The following BAZ1A variants were observed in gnomAD, a reference collection of about 807,000 sequenced individuals.
The protein encoded by BAZ1A is bromodomain adjacent to zinc finger domain protein 1A.
Under a neutral mutation model 185.2 loss-of-function variants are expected in BAZ1A, and 50 were observed. That is an observed-to-expected ratio of 0.27 (90% confidence interval 0.22 to 0.34). BAZ1A has a LOEUF of 0.34. BAZ1A is among the 10% of genes least tolerant of loss of function. BAZ1A has a pLI of 1.00. For synonymous variants in BAZ1A, 571 were observed against 615.6 expected (o/e 0.93, Z 1.07); for missense variants, 1,356 against 1,839.9 (o/e 0.74, Z 4.81).
intron 23 of BAZ1A, 121 bp downstream of exon 23, chr14:34,764,586 C>T: frequency 3.0e-6 from 4 of 1,338,792 alleles, no homozygotes; most frequent in Non-Finnish European, 4.0e-6. Flanking sequence ...GCTACCGTGT[C>T]CAGCCTATAT....
intron 4 of BAZ1A, 71 bp downstream of exon 4, chr14:34,825,942 A>C: frequency 7.0e-7 from 1 of 1,420,200 alleles, no homozygotes; most frequent in African/African-American, 1.5e-5. Context: ...TATCTCAAAA[A>C]AAAAGTTATT....
Position 34,874,284 on chromosome 14 carries a change from C to T in BAZ1A, c.113+208G>A, listed in dbSNP as rs2043004215. 1.8e-6 allele frequency: 1 copy of T among 541,832 alleles called. No individual in the cohort carries two copies. The highest frequency in any genetic ancestry group is 2.1e-5 in the South Asian group (1 of 47,902). The allele number at this position is 541,832 out of a possible 1,614,324, so 33.6% of individuals were successfully genotyped here. A position where few individuals can be genotyped will look rare whatever the true frequency, so the allele number is the denominator to read the frequency against. On this transcript the variant is annotated intron_variant, in intron 2 of 26. Transcript: ENST00000360310. This position sits in a 1 kb window ranked among gnomAD's most constrained non-coding sequence, Gnocchi z 4.7. ...CCCAGCCTCCTCCGCCACTACCAACCCGCGTTCCCCACGCGCGCCGCCGCC... is the reference window on the plus strand; with the variant it reads ...CCCAGCCTCCTCCGCCACTACCAACTCGCGTTCCCCACGCGCGCCGCCGCC...
chr14:34,783,165 G>A lies in BAZ1A; in HGVS notation c.2065C>T (p.Leu689=), dbSNP rs1200151113. Residue 689 remains leucine (L), a synonymous_variant, in exon 16 of 27, where the codon CTG becomes TTG. Transcript: ENST00000360310. Reference sequence around the variant, plus strand: ...GAATTTCTTTGCTCATCTTCTTTCAGTTTTTCTTGTTTCTCTTTCATTTTT... The same window carrying A: ...GAATTTCTTTGCTCATCTTCTTTCAATTTTTCTTGTTTCTCTTTCATTTTT... ...EQKMKEKQEK[L]KEDEQRNSTA... The A allele has an allele frequency of 1.9e-6, 3 of 1,604,936 alleles. No homozygotes were observed. Among genetic ancestry groups the A allele is most frequent in the Non-Finnish European group, 2.6e-6 (3 of 1,174,592 alleles).
chr14:34,796,914 AAC>A (rs1881230286), intron 9 of BAZ1A, among the ~76,000 whole-genome samples: 1 of 152,236 alleles, frequency 6.6e-6, no homozygotes, highest in Admixed American at 6.5e-5. Context: ...CATTGTTGCT[AAC>A]AGTGTAAATA....
At chr14:34,864,749 C>T (rs1193171698) in intron 2 of BAZ1A, among the ~76,000 whole-genome samples, 2 of 150,224 alleles carry the variant, frequency 1.3e-5, no homozygotes, top group East Asian at 3.9e-4. Context: ...GGATTATAGG[C>T]GTGAGCCACC....
At position 34,771,327 on chromosome 14, in the gene BAZ1A, A is replaced by G. The variant is rs1879202976; in HGVS notation, c.3301+184T>C. On this transcript the variant is annotated intron_variant, in intron 21 of 26. Transcript: ENST00000360310. ...AATCTTTCTTTTGATGAAACTCTTCACAAAAGACTGTATTATTCTAAAAAT... is the reference window on the plus strand; with the variant it reads ...AATCTTTCTTTTGATGAAACTCTTCGCAAAAGACTGTATTATTCTAAAAAT... The G allele has an allele frequency of 6.5e-6, 4 of 617,468 alleles. No homozygotes were observed. In the South Asian group the frequency reaches 7.3e-5, roughly 11 times the overall value. 38.2% of individuals were successfully genotyped at this position (617,468 alleles called of 1,614,324 possible). A position where few individuals can be genotyped will look rare whatever the true frequency, so the allele number is the denominator to read the frequency against.
intron 2 of BAZ1A, among the ~76,000 whole-genome samples, chr14:34,871,952 C>G (rs2042955343): frequency 6.6e-6 from 1 of 152,206 alleles, no homozygotes; most frequent in Non-Finnish European, 1.5e-5. Context: ...CTACAGACCA[C>G]CATATCCACG....
chr14:34,813,842 C>T (rs572791271), intron 4 of BAZ1A, among the ~76,000 whole-genome samples: 4 of 151,666 alleles, frequency 2.6e-5, no homozygotes, highest in African/African-American at 2.4e-5. Flanking sequence ...GTTTAGTTTG[C>T]GACTAGCCTG....
At chr14:34,764,284 CTTTTCTTTTTT>C (rs1878658937) in intron 23 of BAZ1A, among the ~76,000 whole-genome samples, 1 of 120,216 alleles carries the variant, frequency 8.3e-6, no homozygotes, top group Non-Finnish European at 1.7e-5. Flanking sequence ...TTTCTTTTTT[CTTTTCTTTTTT>C]TTTTTTTTTT....
chr14:34,828,293 CAAAA>C (rs369878009), intron 3 of BAZ1A, among the ~76,000 whole-genome samples: 5 of 83,556 alleles, frequency 6.0e-5, no homozygotes, highest in Admixed American at 1.5e-4. Context: ...AACTCCGTCT[CAAAA>C]AAAAAAAAAA....
chr14:34,849,216 G>T (rs1421392788), intron 3 of BAZ1A, among the ~76,000 whole-genome samples: 1 of 152,180 alleles, frequency 6.6e-6, no homozygotes, highest in Non-Finnish European at 1.5e-5. Context: ...CTTGAGCCTA[G>T]AAGTTCAAAG....
chr14:34,780,060 AAAAC>A (rs1175358647), intron 17 of BAZ1A, 122 bp downstream of exon 17: 3 of 1,354,430 alleles, frequency 2.2e-6, no homozygotes, highest in Non-Finnish European at 3.1e-6. Flanking sequence ...GGCATTTAAA[AAAAC>A]AAACACAGCC....
At chr14:34,840,569 A>G (rs2042397485) in intron 3 of BAZ1A, among the ~76,000 whole-genome samples, 1 of 152,052 alleles carries the variant, frequency 6.6e-6, no homozygotes, top group East Asian at 1.9e-4. Context: ...GACTAGCCTG[A>G]CCAGCGTGGT....
intron 3 of BAZ1A, among the ~76,000 whole-genome samples, chr14:34,844,845 A>C (rs922415237): frequency 6.6e-6 from 1 of 152,146 alleles, no homozygotes; most frequent in African/African-American, 2.4e-5. Flanking sequence ...AAAAATAGAA[A>C]AATAATCCTA....
chr14:34,812,822 A>C (rs1431009809), intron 4 of BAZ1A, among the ~76,000 whole-genome samples: 1 of 152,212 alleles, frequency 6.6e-6, no homozygotes, highest in Admixed American at 6.5e-5. Flanking sequence ...ATACAATTAA[A>C]CAAGTAAAAC....
At chr14:34,755,404 A>C (rs1886197109) in intron 25 of BAZ1A, among the ~76,000 whole-genome samples, 1 of 152,200 alleles carries the variant, frequency 6.6e-6, no homozygotes, top group Non-Finnish European at 1.5e-5. Context: ...GAGACCCTTT[A>C]TAATACAGTT....
At position 34,757,998 on chromosome 14, in the gene BAZ1A, C is replaced by T. The variant is rs191850078; in HGVS notation, c.4386+706G>A. ...TCCTGACCTCGTGATCCGCCCGCCTCGGCCTCCCAAAGTGCTGGGATTACA... is the reference window on the plus strand; with the variant it reads ...TCCTGACCTCGTGATCCGCCCGCCTTGGCCTCCCAAAGTGCTGGGATTACA... On this transcript the variant is annotated intron_variant, in intron 25 of 26. Transcript: ENST00000360310. 6.0e-5 allele frequency among the ~76,000 whole-genome samples: 9 copies of T among 150,964 alleles called. No homozygotes were observed. In the East Asian group the frequency reaches 6.1e-4, roughly 10 times the overall value.
intron 12 of BAZ1A, among the ~76,000 whole-genome samples, chr14:34,790,186 T>C (rs1478143782): frequency 6.6e-6 from 1 of 151,546 alleles, no homozygotes; most frequent in African/African-American, 2.4e-5. Context: ...TTTTTTTCCC[T>C]TTGAAACAGG....
At chr14:34,845,490 C>G (rs2042495306) in intron 3 of BAZ1A, 1 of 152,086 alleles carries the variant, frequency 6.6e-6, no homozygotes, top group Admixed American at 6.5e-5. Flanking sequence ...TCCTAGGCAG[C>G]ATGGAAAACA....
Sources: gnomAD v4.1 joint callset for allele counts (sites outside exome capture counted in the v4.1 genomes callset) on GRCh38, gnomAD v4.1.1 for gene constraint, Gnocchi (gnomAD v3.1) non-coding constraint, MANE v1.5 for transcripts, NCBI Gene and HGNC (gene_info 2026-07-23, HGNC 2026-07-21) for gene names.